The following DLGAP1 variants were observed in gnomAD, a reference collection of about 807,000 sequenced individuals.
The protein encoded by DLGAP1 is disks large-associated protein 1.
Under a neutral mutation model 90.8 loss-of-function variants are expected in DLGAP1, and 11 were observed. That is an observed-to-expected ratio of 0.12 (90% CI 0.08 to 0.20). DLGAP1 has a LOEUF of 0.20. DLGAP1 is among the 10% of genes least tolerant of loss of function. The pLI, the probability that DLGAP1 is intolerant of heterozygous loss-of-function variation, is 1.00. For synonymous variants in DLGAP1, 558 were observed against 540.7 expected, an observed-to-expected ratio of 1.03 and a Z score of -0.44; for missense variants, 1,050 against 1,333.8, an observed-to-expected ratio of 0.79 and a Z score of 3.31.
At chr18:4,251,603 T>G (rs760459190) in intron 1 of DLGAP1, among the ~76,000 whole-genome samples, 1 of 152,232 alleles carries the variant, frequency 6.6e-6, no homozygotes, top group Non-Finnish European at 1.5e-5. Context: ...AGTATGTGTA[T>G]CACAAACTTT....
chr18:4,304,799 C>T (rs903199156), intron 1 of DLGAP1, among the ~76,000 whole-genome samples: 3 of 151,964 alleles, frequency 2.0e-5, no homozygotes, highest in Non-Finnish European at 2.9e-5. Context: ...GGCGCGGTGG[C>T]GGGCACCTAT....
intron 1 of DLGAP1, among the ~76,000 whole-genome samples, chr18:4,306,184 A>C (rs1281600364): frequency 6.6e-6 from 1 of 152,050 alleles, no homozygotes; most frequent in Admixed American, 6.6e-5. Flanking sequence ...GATCCCAGGA[A>C]GGCAATTGCC....
intron 1 of DLGAP1, among the ~76,000 whole-genome samples, chr18:4,172,249 T>A (rs929270989): frequency 6.6e-6 from 1 of 152,218 alleles, no homozygotes; most frequent in Non-Finnish European, 1.5e-5. Flanking sequence ...TAGAAGTTAT[T>A]GTGTTAATTT....
chr18:3,666,588 G>T (rs1037542101), intron 7 of DLGAP1, among the ~76,000 whole-genome samples: 7 of 152,196 alleles, frequency 4.6e-5, no homozygotes, highest in Admixed American at 4.6e-4. Flanking sequence ...AGAGAATGCA[G>T]TTCTAAATGG....
intron 2 of DLGAP1, among the ~76,000 whole-genome samples, chr18:4,050,684 A>G (rs2075121345): frequency 6.6e-6 from 1 of 152,224 alleles, no homozygotes; most frequent in South Asian, 2.1e-4. Context: ...CACTTGTTTT[A>G]TAAAAAGACA....
intron 1 of DLGAP1, among the ~76,000 whole-genome samples, chr18:4,214,361 T>C (rs1029251041): frequency 8.6e-5 from 13 of 152,020 alleles, no homozygotes; most frequent in African/African-American, 2.9e-4. Flanking sequence ...ACCCTGCGTT[T>C]AACTCTGATT....
At chr18:4,424,640 C>T (rs773971588) in intron 1 of DLGAP1, among the ~76,000 whole-genome samples, 3 of 152,092 alleles carry the variant, frequency 2.0e-5, no homozygotes, top group Admixed American at 6.6e-5. Flanking sequence ...TGTGACCAAA[C>T]TGTTCTCTGT....
At chr18:4,403,093 T>G (rs1432120046) in intron 1 of DLGAP1, among the ~76,000 whole-genome samples, 3 of 152,212 alleles carry the variant, frequency 2.0e-5, no homozygotes, top group African/African-American at 4.8e-5. Context: ...TCTACATTAA[T>G]TAATGGTAGG....
intron 10 of DLGAP1, among the ~76,000 whole-genome samples, chr18:3,509,592 CAGG>C (rs142424262): frequency 7.7e-4 from 118 of 152,302 alleles, no homozygotes; most frequent in African/African-American, 2.8e-3. Flanking sequence ...AAAACTAGAG[CAGG>C]AGAACTTCTC....
At chr18:3,841,929 C>T (rs1598964713) in intron 4 of DLGAP1, among the ~76,000 whole-genome samples, 1 of 152,074 alleles carries the variant, frequency 6.6e-6, no homozygotes, top group Non-Finnish European at 1.5e-5. Flanking sequence ...AACAAGAAAA[C>T]AGGCAATCCT....
rs1277265228 is a variant in DLGAP1 at position 4,084,879 on chromosome 18, C to T, written c.-159+66301G>A. Among the ~76,000 whole-genome samples the T allele has an allele frequency of 6.6e-6, 1 of 152,144 alleles. No homozygotes were observed. The highest frequency in any genetic ancestry group is 1.9e-4 in the East Asian group (1 of 5,180). ...GGAAGAGTGAAGGAAAGCCTTTCCT[C>T]CCCTACATTTTATTCTGTTTAAGTT... On this transcript the variant is annotated intron_variant, in intron 2 of 12. Transcript: ENST00000315677. The surrounding 1 kb of genome is among the most constrained non-coding windows in gnomAD (Gnocchi z 4.0).
chr18:3,731,830 A>C (rs2062443382), intron 6 of DLGAP1, among the ~76,000 whole-genome samples: 1 of 152,172 alleles, frequency 6.6e-6, no homozygotes, highest in Non-Finnish European at 1.5e-5. Flanking sequence ...TAAGGCAAAC[A>C]TCCTGGAACC....
intron 10 of DLGAP1, among the ~76,000 whole-genome samples, chr18:3,522,294 G>A (rs1469276671): frequency 4.6e-5 from 7 of 151,304 alleles, no homozygotes; most frequent in Non-Finnish European, 1.0e-4. Context: ...GTGCCACCAC[G>A]CCCAGCTAAT....
At chr18:4,078,083 A>G (rs1381565202) in intron 2 of DLGAP1, among the ~76,000 whole-genome samples, 2 of 152,202 alleles carry the variant, frequency 1.3e-5, no homozygotes, top group Non-Finnish European at 2.9e-5. Flanking sequence ...TGTAAACGAC[A>G]GATACTCCAT....
intron 2 of DLGAP1, among the ~76,000 whole-genome samples, chr18:4,008,215 A>G (rs776796338): frequency 3.6e-5 from 5 of 139,456 alleles, no homozygotes; most frequent in Non-Finnish European, 6.3e-5. Context: ...AAATAAATAA[A>G]TATATATATA....
intron 3 of DLGAP1, among the ~76,000 whole-genome samples, chr18:3,944,285 CAGG>C: frequency 6.6e-6 from 1 of 152,332 alleles, no homozygotes; most frequent in Admixed American, 6.5e-5. Context: ...ATCATGGAGT[CAGG>C]AGTTCAAGAC....
At chr18:3,688,614 GACACACACACACACACACACAC>G (rs60415611) in intron 7 of DLGAP1, among the ~76,000 whole-genome samples, 26 of 100,732 alleles carry the variant, frequency 2.6e-4, no homozygotes, top group Middle Eastern at 4.9e-3. Context: ...ATTAAAAAAA[GACACACACACACACACACACAC>G]ACACACACAC....
At chr18:3,664,111 C>G (rs11664794) in intron 7 of DLGAP1, among the ~76,000 whole-genome samples, 20,743 of 151,734 alleles carry the variant, frequency 0.14, 1,833 homozygotes, top group Non-Finnish European at 0.19. Context: ...ACCATTGGCT[C>G]TCCTGGGTTT....
intron 6 of DLGAP1, among the ~76,000 whole-genome samples, chr18:3,741,067 C>CAT (rs2062930690): frequency 9.2e-6 from 1 of 108,586 alleles, no homozygotes; most frequent in Non-Finnish European, 1.9e-5. Flanking sequence ...ATCACCACCA[C>CAT]CACCACCACC....
Sources: gnomAD v4.1 joint callset for allele counts (sites outside exome capture counted in the v4.1 genomes callset) on GRCh38, gnomAD v4.1.1 for gene constraint, Gnocchi (gnomAD v3.1) non-coding constraint, MANE v1.5 for transcripts, NCBI Gene and HGNC (gene_info 2026-07-23, HGNC 2026-07-21) for gene names.